RYR2: variants seen among roughly 807,000 people sequenced by gnomAD.
RYR2 encodes the protein cardiac muscle ryanodine receptor-calcium release channel.
RYR2 carries 227 observed loss-of-function variants against 601.1 expected under a neutral mutation model. That is an observed-to-expected ratio of 0.38 (90% CI 0.34 to 0.42). The LOEUF (loss-of-function observed/expected upper bound fraction) is 0.42. RYR2 is among the 10% of genes least tolerant of loss of function. The pLI is 1.00. For synonymous variants in RYR2, 2,223 were observed against 2,175.1 expected, an observed-to-expected ratio of 1.02 and a Z score of -0.61; for missense variants, 4,646 against 6,156.5, an observed-to-expected ratio of 0.75 and a Z score of 8.21.
intron 1 of RYR2, among the ~76,000 whole-genome samples, chr1:237,148,016 G>T (rs546606944): frequency 6.6e-6 from 1 of 152,106 alleles, no homozygotes; most frequent in East Asian, 1.9e-4. Context: ...TCATGTGGTC[G>T]AATCATCTGG....
intron 1 of RYR2, among the ~76,000 whole-genome samples, chr1:237,267,384 G>A (rs554414252): frequency 1.3e-5 from 2 of 152,254 alleles, no homozygotes; most frequent in African/African-American, 4.8e-5. Context: ...GCAGGGCATG[G>A]TAGCGCTTGC....
Position 237,456,843 on chromosome 1 carries a change from G to A in RYR2, c.1612+108G>A, listed in dbSNP as rs1658892742. The stretch of plus-strand genomic sequence containing the variant: ...TGTAATTCCAGCAATTTGGGAGGCT[G>A]AGGTGGGAGGATCATTTGAGGCCAG... On this transcript the variant is annotated intron_variant, in intron 16 of 104. Coordinates refer to ENST00000366574, the MANE Select transcript of RYR2 (RefSeq NM_001035.3). 3.2e-6 allele frequency: 4 copies of A among 1,239,236 alleles called. No individual in the cohort carries two copies. In the East Asian group the frequency reaches 7.6e-5, roughly 24 times the overall value. The allele number at this position is 1,239,236 out of a possible 1,614,324, so 76.8% of individuals were successfully genotyped here.
chr1:237,053,209 G>T (rs1661501866), intron 1 of RYR2, among the ~76,000 whole-genome samples: 1 of 152,150 alleles, frequency 6.6e-6, no homozygotes, highest in Non-Finnish European at 1.5e-5. Flanking sequence ...TGTCTGTCAT[G>T]ACATGTTTCC....
At chr1:237,242,446 A>G (rs1686294297) in intron 1 of RYR2, among the ~76,000 whole-genome samples, 1 of 152,236 alleles carries the variant, frequency 6.6e-6, no homozygotes, top group Non-Finnish European at 1.5e-5. Context: ...AGGATAACTA[A>G]ATGCAAGGAC....
intron 1 of RYR2, among the ~76,000 whole-genome samples, chr1:237,263,376 C>T (rs894763695): frequency 3.3e-5 from 5 of 152,192 alleles, no homozygotes; most frequent in Non-Finnish European, 7.3e-5. Flanking sequence ...TAGAGATGTA[C>T]TGGTGAGCAA....
At position 237,617,291 on chromosome 1, in the gene RYR2, C is replaced by G; in HGVS notation, c.5721C>G (p.Cys1907Trp). The change falls in exon 38 of 105, where the codon TGC becomes TGG. Residue 1907 changes from cysteine (C) to tryptophan (W), a missense_variant. Around this residue, in one of 17 missense-constraint regions of RYR2, gnomAD observed 1,807 missense variants for 2,088.1 expected, o/e 0.87. Transcript: ENST00000366574. ...TCTTTTTAATGGTCTCTTAGATGTG[C>G]CTACTGCTTCAGTACCTCTGTGACT... ...KLPEPVKLQM[C>W]LLLQYLCDCQ... 1 of 1,611,244 alleles carries G rather than the reference C, an allele frequency of 6.2e-7. No individual in the cohort carries two copies. Among genetic ancestry groups the G allele is most frequent in the Non-Finnish European group, 8.5e-7 (1 of 1,178,554 alleles).
Position 237,180,653 on chromosome 1 carries a change from T to C in RYR2, c.49-89844T>C, listed in dbSNP as rs950336555. Among the ~76,000 whole-genome samples the C allele has an allele frequency of 2.1e-5, 3 of 140,518 alleles. No homozygotes were observed. The highest frequency in any genetic ancestry group is 1.5e-4 in the Admixed American group (2 of 13,576). The allele number at this position is 140,518 out of a possible 152,430, so 92.2% of individuals were successfully genotyped here. On this transcript the variant is annotated intron_variant, in intron 1 of 104. Transcript: ENST00000366574. The surrounding 1 kb of genome is among the most constrained non-coding windows in gnomAD (Gnocchi z 5.3). ...ATGTGTATATATGTATATGTATATG[T>C]GTATATATGTATACATGTGTATATA...
At chr1:237,570,988 G>T (rs558941625) in intron 29 of RYR2, among the ~76,000 whole-genome samples, 1 of 152,218 alleles carries the variant, frequency 6.6e-6, no homozygotes, top group South Asian at 2.1e-4. Flanking sequence ...TTAGCCAGTT[G>T]TGGTGGCATG....
chr1:237,223,454 A>G (rs1684040962), intron 1 of RYR2, among the ~76,000 whole-genome samples: 1 of 152,246 alleles, frequency 6.6e-6, no homozygotes, highest in Non-Finnish European at 1.5e-5. Context: ...AAACCATAGC[A>G]TTAAATTAAG....
At chr1:237,629,164 A>G (rs914984839) in intron 41 of RYR2, among the ~76,000 whole-genome samples, 4 of 152,152 alleles carry the variant, frequency 2.6e-5, no homozygotes. Context: ...TACATGTATA[A>G]ATCTAAGCAA....
At chr1:237,084,245 G>A (rs1666056392) in intron 1 of RYR2, among the ~76,000 whole-genome samples, 1 of 152,146 alleles carries the variant, frequency 6.6e-6, no homozygotes, top group Non-Finnish European at 1.5e-5. Context: ...TTATCCCAAA[G>A]CAAATCCATC....
chr1:237,182,262 C>G (rs1678854923), intron 1 of RYR2, among the ~76,000 whole-genome samples: 1 of 152,122 alleles, frequency 6.6e-6, no homozygotes, highest in Admixed American at 6.5e-5. Context: ...GCTGGGATTA[C>G]AGGTGTGCAC....
intron 1 of RYR2, among the ~76,000 whole-genome samples, chr1:237,128,244 C>T (rs969448250): frequency 5.3e-5 from 8 of 152,162 alleles, no homozygotes; most frequent in African/African-American, 1.7e-4. Context: ...CGTGGCGGCA[C>T]GAGCCTGCGA....
At chr1:237,605,739 G>C (rs906864480) in intron 35 of RYR2, among the ~76,000 whole-genome samples, 5 of 151,976 alleles carry the variant, frequency 3.3e-5, no homozygotes, top group Non-Finnish European at 7.4e-5. Context: ...CAAAATCAAT[G>C]TGCAAAAATC....
At chr1:237,158,272 G>A (rs1321039236) in intron 1 of RYR2, among the ~76,000 whole-genome samples, 1 of 152,146 alleles carries the variant, frequency 6.6e-6, no homozygotes, top group Admixed American at 6.5e-5. Context: ...CAGCTGTGGG[G>A]ATCAGGGAAG....
In RYR2 at chr1:237,456,580, T is replaced by G; in HGVS notation, c.1477-20T>G. ...GTTTTGGATGTCTGATTGTGATTTTTTTTTTTTTTAACGTTCCAGGGAATG... is the reference window on the plus strand; with the variant it reads ...GTTTTGGATGTCTGATTGTGATTTTGTTTTTTTTTAACGTTCCAGGGAATG... On this transcript the variant is annotated intron_variant, in intron 15 of 104. Coordinates refer to ENST00000366574, the MANE Select transcript of RYR2 (RefSeq NM_001035.3). 6.7e-7 allele frequency: 1 copy of G among 1,496,582 alleles called. No homozygotes were observed. 92.7% of individuals were successfully genotyped at this position (1,496,582 alleles called of 1,614,324 possible).
chr1:237,287,220 T>G (rs1410381884), intron 2 of RYR2, among the ~76,000 whole-genome samples: 2 of 152,212 alleles, frequency 1.3e-5, no homozygotes, highest in African/African-American at 2.4e-5. Context: ...TACCTGGTGC[T>G]TCTGTCTCAC....
At chr1:237,179,817 G>A (rs558065242) in intron 1 of RYR2, among the ~76,000 whole-genome samples, 73 of 152,188 alleles carry the variant, frequency 4.8e-4, no homozygotes, top group African/African-American at 1.7e-3. Flanking sequence ...AAGCGTGGGG[G>A]AATCTGCCGG....
chr1:237,576,673 T>C (rs992108832), intron 29 of RYR2, among the ~76,000 whole-genome samples: 42 of 152,208 alleles, frequency 2.8e-4, no homozygotes, highest in African/African-American at 9.9e-4. Flanking sequence ...AAAAAATGAA[T>C]GTTCTGCTTC....
Sources: allele counts gnomAD v4.1 joint callset (sites outside exome capture counted in the v4.1 genomes callset), GRCh38; gene constraint gnomAD v4.1.1; regional missense constraint gnomAD v4.1.1; non-coding constraint Gnocchi (gnomAD v3.1); transcripts MANE v1.5; gene names NCBI Gene and HGNC (gene_info 2026-07-23, HGNC 2026-07-21).